Variants in ZNF618 observed in about 807,000 individuals in gnomAD.
The protein encoded by ZNF618 is zinc finger protein 618.
In ZNF618, 34 loss-of-function variants were observed where a neutral mutation model predicts 103.0. The observed-to-expected ratio is 0.33, with a 90% CI of 0.25 to 0.44. The LOEUF (loss-of-function observed/expected upper bound fraction) is 0.44, where lower values mean the gene tolerates loss of function less well. Among genes scored for constraint, ZNF618 ranks in the 20% least tolerant of loss-of-function variants. The pLI is 1.00. For synonymous variants in ZNF618, 551 were observed against 542.2 expected, an observed-to-expected ratio of 1.02 and a Z score of -0.23; for missense variants, 1,059 against 1,295.4, an observed-to-expected ratio of 0.82 and a Z score of 2.80.
intron 1 of ZNF618, among the ~76,000 whole-genome samples, chr9:113,888,500 C>T (rs147596330): frequency 2.1e-4 from 32 of 152,362 alleles, no homozygotes; most frequent in African/African-American, 7.0e-4. Flanking sequence ...TACTTGGAAT[C>T]GGGGCCTCCC....
intron 14 of ZNF618, 64 bp downstream of exon 14, chr9:114,048,058 C>CCCCCATT: frequency 7.4e-7 from 1 of 1,350,244 alleles, no homozygotes; most frequent in Non-Finnish European, 1.0e-6. Flanking sequence ...TCCTCTCTGC[C>CCCCCATT]CCCCATTCCC....
chr9:114,009,305 C>T (rs1165934542), intron 9 of ZNF618, among the ~76,000 whole-genome samples: 1 of 152,154 alleles, frequency 6.6e-6, no homozygotes, highest in Non-Finnish European at 1.5e-5. Context: ...CCCCAGCATC[C>T]CATGCCAAGG....
rs919248660 is a variant in ZNF618 at position 114,054,819 on chromosome 9, G to A, written c.*4652G>A. The A allele has an allele frequency of 6.6e-6, 1 of 152,450 alleles. No individual in the cohort carries two copies. Among genetic ancestry groups the A allele is most frequent in the African/African-American group, 2.4e-5 (1 of 41,454 alleles). The allele number at this position is 152,450 out of a possible 1,614,324, so 9.4% of individuals were successfully genotyped here. A position where few individuals can be genotyped will look rare whatever the true frequency, so the allele number is the denominator to read the frequency against. On this transcript the variant is annotated 3_prime_UTR_variant, in exon 15 of 15. Transcript: ENST00000374126. ...GGGTTTGAGGATTGTGGTCGGGGGA[G>A]CCCTGGCTTTCACCAAAGGAGCCCA...
chr9:114,036,518 G>C, intron 13 of ZNF618, 141 bp downstream of exon 13: 1 of 872,894 alleles, frequency 1.1e-6, no homozygotes, highest in Non-Finnish European at 1.8e-6. Flanking sequence ...CTGCTTGCAG[G>C]GAGCCCCAGT....
intron 1 of ZNF618, among the ~76,000 whole-genome samples, chr9:113,905,359 AAGAC>A (rs1263119410): frequency 1.3e-5 from 2 of 152,184 alleles, no homozygotes; most frequent in Non-Finnish European, 2.9e-5. Flanking sequence ...CTTGTTCAGC[AAGAC>A]CAGAGCAACC....
chr9:113,914,086 T>C (rs1831828154), intron 1 of ZNF618, among the ~76,000 whole-genome samples: 1 of 152,166 alleles, frequency 6.6e-6, no homozygotes, highest in Non-Finnish European at 1.5e-5. Context: ...AGCACACTTT[T>C]TATTTAACAT....
chr9:113,958,572 TG>T (rs1379486170), intron 1 of ZNF618, among the ~76,000 whole-genome samples: 2 of 152,244 alleles, frequency 1.3e-5, no homozygotes, highest in Non-Finnish European at 2.9e-5. Context: ...AGGTGGGCAG[TG>T]GGATCTCCCC....
At chr9:113,951,504 C>CAT (rs775621876) in intron 1 of ZNF618, among the ~76,000 whole-genome samples, 3 of 55,848 alleles carry the variant, frequency 5.4e-5, no homozygotes, top group African/African-American at 1.5e-4. Flanking sequence ...TATGTGTACA[C>CAT]ATATATGTGT....
intron 2 of ZNF618, among the ~76,000 whole-genome samples, chr9:113,979,951 G>A (rs1172290104): frequency 6.6e-6 from 1 of 152,182 alleles, no homozygotes; most frequent in Admixed American, 6.5e-5. Context: ...AAGGGAGATT[G>A]GCTGTGAGAT....
At chr9:113,889,603 G>A (rs566813469) in intron 1 of ZNF618, among the ~76,000 whole-genome samples, 8 of 152,326 alleles carry the variant, frequency 5.3e-5, no homozygotes, top group Middle Eastern at 3.4e-3. Context: ...CTATGGAGGC[G>A]TGTCAGCTTT....
intron 11 of ZNF618, among the ~76,000 whole-genome samples, chr9:114,030,493 G>T (rs917516566): frequency 6.6e-6 from 1 of 152,220 alleles, no homozygotes; most frequent in Non-Finnish European, 1.5e-5. Flanking sequence ...GCGGCCCACA[G>T]GGTGTGGTAC....
chr9:113,988,664 T>C, intron 3 of ZNF618, 84 bp downstream of exon 3: 1 of 1,475,500 alleles, frequency 6.8e-7, no homozygotes, highest in South Asian at 1.3e-5. Context: ...GCCTGGCGCC[T>C]CTGCCCCCTT....
At chr9:113,942,295 T>A (rs1288099736) in intron 1 of ZNF618, among the ~76,000 whole-genome samples, 5 of 151,888 alleles carry the variant, frequency 3.3e-5, no homozygotes, top group African/African-American at 4.8e-5. Context: ...TCATGGGATA[T>A]AATTTCTCAC....
chr9:114,019,125 T>C (rs1842869444), intron 10 of ZNF618, among the ~76,000 whole-genome samples: 1 of 152,262 alleles, frequency 6.6e-6, no homozygotes, highest in South Asian at 2.1e-4. Flanking sequence ...CTGACTTCTT[T>C]TGCTCAGCAG....
chr9:113,990,496 C>G (rs1237990366), intron 3 of ZNF618, among the ~76,000 whole-genome samples: 2 of 152,168 alleles, frequency 1.3e-5, no homozygotes, highest in Non-Finnish European at 2.9e-5. Context: ...TACAAGATAT[C>G]TTAGTAGCTC....
rs375420252 is a variant in ZNF618 at position 114,049,984 on chromosome 9, G to T, written c.2682G>T (p.Ser894=). The part of the protein sequence containing the change: ...QATPDLFQYW[S]CVTQKHTKLA... ...CCCCTGATCTCTTCCAGTACTGGTC[G>T]TGCGTTACCCAAAAGCACACAAAAC... is the stretch of plus-strand genomic sequence containing the variant. Residue 894 remains serine, a synonymous_variant, in exon 15 of 15, where the codon TCG becomes TCT. Transcript: ENST00000374126. 6 of 1,613,944 alleles carry T rather than the reference G, an allele frequency of 3.7e-6. No homozygotes were observed. The Admixed American group carries it at 8.3e-5, about 22-fold the overall frequency.
intron 1 of ZNF618, among the ~76,000 whole-genome samples, chr9:113,957,855 ATATT>A (rs1836458508): frequency 6.6e-6 from 1 of 151,070 alleles, no homozygotes; most frequent in Non-Finnish European, 1.5e-5. Context: ...TCTGAAGTGA[ATATT>A]TATCACATAT....
At chr9:113,984,778 A>G (rs915216684) in intron 2 of ZNF618, among the ~76,000 whole-genome samples, 3 of 152,200 alleles carry the variant, frequency 2.0e-5, no homozygotes, top group African/African-American at 4.8e-5. Context: ...GGTCTTAGCT[A>G]GGAAATGGGA....
At chr9:113,910,259 G>A (rs776327734) in intron 1 of ZNF618, among the ~76,000 whole-genome samples, 3 of 152,168 alleles carry the variant, frequency 2.0e-5, no homozygotes, top group African/African-American at 7.2e-5. Context: ...GTAGGGTGCA[G>A]GATGAGTCTC....
Sources: gnomAD v4.1 joint callset for allele counts (sites outside exome capture counted in the v4.1 genomes callset) on GRCh38, gnomAD v4.1.1 for gene constraint, MANE v1.5 for transcripts, NCBI Gene and HGNC (gene_info 2026-07-23, HGNC 2026-07-21) for gene names.